Variants in B3GALT1 observed in about 807,000 individuals in gnomAD.
B3GALT1 encodes beta-1,3-galactosyltransferase 1.
A neutral mutation model predicts 23.2 loss-of-function variants in B3GALT1; 10 were observed. The ratio of observed to expected loss-of-function variants is 0.43; its 90% CI spans 0.27 to 0.73. The LOEUF is 0.73. Among genes scored for constraint, B3GALT1 ranks in the 30% least tolerant of loss-of-function variants. The pLI is 0.21. For missense variants in B3GALT1, 299 were observed against 405.4 expected, an observed-to-expected ratio of 0.74 and a Z score of 2.25; for synonymous variants, 156 against 141.5, an observed-to-expected ratio of 1.10 and a Z score of -0.73.
chr2:167,737,275 G>C (rs747461452), intron 3 of B3GALT1, among the ~76,000 whole-genome samples: 49 of 152,328 alleles, frequency 3.2e-4, no homozygotes, highest in Non-Finnish European at 5.3e-4. Flanking sequence ...GAGGAAACTG[G>C]TTTAATGACA....
intron 1 of B3GALT1, among the ~76,000 whole-genome samples, chr2:167,392,444 C>T (rs1478470015): frequency 6.6e-6 from 1 of 151,982 alleles, no homozygotes; most frequent in Non-Finnish European, 1.5e-5. Flanking sequence ...TAAAACTGCT[C>T]CAAGTAATTT....
At chr2:167,830,461 G>A (rs549786798) in intron 4 of B3GALT1, among the ~76,000 whole-genome samples, 42 of 151,880 alleles carry the variant, frequency 2.8e-4, no homozygotes, top group Admixed American at 5.9e-4. Flanking sequence ...AGGCTTTCAC[G>A]TGAAAAGTTT....
Position 167,662,074 on chromosome 2 carries a change from TAA to T in B3GALT1, c.-352+15119_-352+15120del, listed in dbSNP as rs34648588. ...ATCCTGTATATGTTTTCAGAGATGTTAAAAAAAAAAAAGCAGCAAGTTTTTCA... is the reference window on the plus strand; with the variant it reads ...ATCCTGTATATGTTTTCAGAGATGTTAAAAAAAAAAGCAGCAAGTTTTTCA... On this transcript the variant is annotated intron_variant, in intron 3 of 4. Transcript: ENST00000392690. Among the ~76,000 whole-genome samples the T allele has an allele frequency of 3.5e-3, 508 of 146,566 alleles. 1 individual carries two copies. Among genetic ancestry groups the T allele is most frequent in the African/African-American group, 0.011 (458 of 39,954 alleles).
At chr2:167,434,837 T>A (rs1350802675) in intron 1 of B3GALT1, among the ~76,000 whole-genome samples, 3 of 151,752 alleles carry the variant, frequency 2.0e-5, no homozygotes, top group African/African-American at 7.3e-5. Flanking sequence ...GTTCATGAAA[T>A]TAGAAAATGT....
chr2:167,610,948 AAAC>A (rs1305993527), intron 2 of B3GALT1, among the ~76,000 whole-genome samples: 136 of 148,612 alleles, frequency 9.2e-4, no homozygotes, highest in African/African-American at 3.3e-3. Context: ...GAGAAAAGCC[AAAC>A]AACAAGAACA....
chr2:167,309,666 C>T (rs2105485241), intron 1 of B3GALT1, among the ~76,000 whole-genome samples: 1 of 152,116 alleles, frequency 6.6e-6, no homozygotes, highest in African/African-American at 2.4e-5. Flanking sequence ...GAACCCAATT[C>T]ATTAACAATG....
At chr2:167,452,099 C>A (rs1003048936) in intron 1 of B3GALT1, among the ~76,000 whole-genome samples, 1 of 152,072 alleles carries the variant, frequency 6.6e-6, no homozygotes, top group Non-Finnish European at 1.5e-5. Context: ...CCCGGGCTAC[C>A]GGTTTCCCAG....
intron 3 of B3GALT1, among the ~76,000 whole-genome samples, chr2:167,774,479 T>TTG (rs1278085546): frequency 1.7e-5 from 2 of 118,618 alleles, no homozygotes; most frequent in Non-Finnish European, 1.6e-5. Flanking sequence ...TTGGTTTTTT[T>TTG]TTTTTGTTTT....
chr2:167,809,516 G>C (rs1266655715), intron 3 of B3GALT1, among the ~76,000 whole-genome samples: 1 of 152,208 alleles, frequency 6.6e-6, no homozygotes, highest in Non-Finnish European at 1.5e-5. Context: ...AGGACCCTCA[G>C]CTGCAGGTCT....
intron 3 of B3GALT1, among the ~76,000 whole-genome samples, chr2:167,672,669 C>A (rs922570418): frequency 6.6e-6 from 1 of 152,012 alleles, no homozygotes; most frequent in Non-Finnish European, 1.5e-5. Context: ...AAGTACTTAC[C>A]TTTAGGGTTG....
At chr2:167,446,990 G>GT (rs747368695) in intron 1 of B3GALT1, among the ~76,000 whole-genome samples, 10 of 152,150 alleles carry the variant, frequency 6.6e-5, no homozygotes, top group Non-Finnish European at 1.0e-4. Flanking sequence ...CATCTTTGTG[G>GT]TTTTATCTAC....
At chr2:167,324,179 T>C (rs1696854875) in intron 1 of B3GALT1, among the ~76,000 whole-genome samples, 2 of 152,222 alleles carry the variant, frequency 1.3e-5, no homozygotes, top group South Asian at 4.1e-4. Context: ...AAAATGCAAT[T>C]CAAGCTATCA....
chr2:167,836,821 C>T (rs544711970), intron 4 of B3GALT1, among the ~76,000 whole-genome samples: 13 of 152,128 alleles, frequency 8.5e-5, no homozygotes, highest in South Asian at 4.1e-4. Context: ...AGACTAACAG[C>T]GGATCTCTCG....
intron 3 of B3GALT1, among the ~76,000 whole-genome samples, chr2:167,757,799 T>C (rs1687841231): frequency 6.6e-6 from 1 of 152,104 alleles, no homozygotes; most frequent in Non-Finnish European, 1.5e-5. Context: ...GTGCACCTTA[T>C]AAAGCCAGCC....
chr2:167,454,851 A>C (rs975445105), intron 1 of B3GALT1, among the ~76,000 whole-genome samples: 2 of 152,148 alleles, frequency 1.3e-5, no homozygotes, highest in African/African-American at 2.4e-5. Flanking sequence ...TCAACTTAAC[A>C]AACATATATT....
At position 167,870,916 on chromosome 2, in the gene B3GALT1, G is replaced by T. The variant is rs1387603417; in HGVS notation, c.*896G>T. On this transcript the variant is annotated 3_prime_UTR_variant, in exon 5 of 5. Coordinates refer to ENST00000392690, the MANE Select transcript of B3GALT1 (RefSeq NM_020981.4). ...GCCAGAGAACAATAAATCACATTGA[G>T]AAAATACAAATTTAAGTATGCATTA... 1 of 166,888 alleles carries T rather than the reference G, an allele frequency of 6.0e-6. No homozygotes were observed. Among genetic ancestry groups the T allele is most frequent in the Non-Finnish European group, 1.5e-5 (1 of 68,088 alleles). The allele number at this position is 166,888 out of a possible 1,614,324, so 10.3% of individuals were successfully genotyped here. A position where few individuals can be genotyped will look rare whatever the true frequency, so the allele number is the denominator to read the frequency against.
chr2:167,387,623 G>A (rs999689429), intron 1 of B3GALT1, among the ~76,000 whole-genome samples: 5 of 152,140 alleles, frequency 3.3e-5, no homozygotes, highest in East Asian at 1.9e-4. Flanking sequence ...GAATCAATTC[G>A]TTACTAATGA....
At chr2:167,316,090 C>T (rs1696713485) in intron 1 of B3GALT1, among the ~76,000 whole-genome samples, 1 of 150,188 alleles carries the variant, frequency 6.7e-6, no homozygotes, top group Non-Finnish European at 1.5e-5. Context: ...TTTTTTTTTA[C>T]CACTACTGTG....
intron 2 of B3GALT1, among the ~76,000 whole-genome samples, chr2:167,507,904 C>T (rs1227121): frequency 0.021 from 3,174 of 152,240 alleles, 109 homozygotes; most frequent in African/African-American, 0.072. Flanking sequence ...GGTGGCTTAT[C>T]AACAACTGAA....
Sources: gnomAD v4.1 joint callset for allele counts (sites outside exome capture counted in the v4.1 genomes callset) on GRCh38, gnomAD v4.1.1 for gene constraint, MANE v1.5 for transcripts, NCBI Gene and HGNC (gene_info 2026-07-23, HGNC 2026-07-21) for gene names.